The following KIF21A variants were observed in gnomAD, a reference collection of about 807,000 sequenced individuals.
The protein encoded by KIF21A is kinesin family member 21A, also known as kinesin-like protein KIF21A.
A neutral mutation model predicts 202.9 loss-of-function variants in KIF21A; 114 were observed. The ratio of observed to expected loss-of-function variants is 0.56; its 90% CI spans 0.48 to 0.66. KIF21A has a LOEUF of 0.66. Ranked by LOEUF, KIF21A falls within the 30% of genes least tolerant of loss-of-function variation. The pLI is 0.00. For missense variants in KIF21A, 1,677 were observed against 1,994.9 expected, an observed-to-expected ratio of 0.84 and a Z score of 3.04; for synonymous variants, 667 against 670.8, an observed-to-expected ratio of 0.99 and a Z score of 0.09.
intron 1 of KIF21A, among the ~76,000 whole-genome samples, chr12:39,375,656 A>G (rs2139305825): frequency 6.6e-6 from 1 of 152,210 alleles, no homozygotes; most frequent in East Asian, 1.9e-4. Context: ...TGAAGCTCAC[A>G]TTACTTATTG....
chr12:39,431,342 T>G (rs1043777603), intron 1 of KIF21A, among the ~76,000 whole-genome samples: 6 of 152,194 alleles, frequency 3.9e-5, no homozygotes, highest in African/African-American at 1.4e-4. Flanking sequence ...ATAATTTCAC[T>G]TTGTCAAGTG....
intron 29 of KIF21A, among the ~76,000 whole-genome samples, chr12:39,316,647 T>G (rs1944575115): frequency 1.3e-5 from 2 of 152,064 alleles, no homozygotes; most frequent in South Asian, 4.1e-4. Context: ...ACAACAGGCT[T>G]GAGGAGAATG....
intron 35 of KIF21A, among the ~76,000 whole-genome samples, chr12:39,303,746 ACT>A (rs1943187812): frequency 6.6e-6 from 1 of 152,066 alleles, no homozygotes; most frequent in Admixed American, 6.6e-5. Context: ...CTATTAGGTA[ACT>A]CTGCAGTCCC....
chr12:39,436,691 A>G (rs550003249), intron 1 of KIF21A, among the ~76,000 whole-genome samples: 2 of 151,198 alleles, frequency 1.3e-5, no homozygotes, highest in South Asian at 4.2e-4. Flanking sequence ...AAACCTTCAG[A>G]AAGATCTCAT....
At chr12:39,321,952 C>T (rs919278679) in intron 27 of KIF21A, 60 of 152,414 alleles carry the variant, frequency 3.9e-4, no homozygotes, top group African/African-American at 1.4e-3. Context: ...TACACACACA[C>T]ATACACATAC....
At chr12:39,316,150 G>A (rs539237849) in intron 29 of KIF21A, among the ~76,000 whole-genome samples, 180 bp from the exon 30 acceptor site, 8 of 152,012 alleles carry the variant, frequency 5.3e-5, no homozygotes, top group Admixed American at 2.6e-4. Context: ...GCTAAGTTAC[G>A]TAAAAAGTTT....
intron 1 of KIF21A, among the ~76,000 whole-genome samples, chr12:39,371,150 C>T (rs974452317): frequency 6.6e-6 from 1 of 152,064 alleles, no homozygotes; most frequent in Non-Finnish European, 1.5e-5. Flanking sequence ...ATGTAACAAT[C>T]CATTATTTTT....
intron 12 of KIF21A, among the ~76,000 whole-genome samples, chr12:39,344,870 G>A (rs540703303): frequency 6.6e-6 from 1 of 152,216 alleles, no homozygotes; most frequent in East Asian, 1.9e-4. Flanking sequence ...TTGGGAGCTG[G>A]AAGGAACATT....
intron 35 of KIF21A, 144 bp downstream of exon 35, chr12:39,304,677 T>TATGA: frequency 1.6e-6 from 1 of 612,422 alleles, no homozygotes; most frequent in Non-Finnish European, 2.9e-6. Flanking sequence ...AACCACTAAC[T>TATGA]ATGAATGAGG....
chr12:39,406,963 T>C (rs1398416004), intron 1 of KIF21A, among the ~76,000 whole-genome samples: 1 of 152,184 alleles, frequency 6.6e-6, no homozygotes, highest in Non-Finnish European at 1.5e-5. Flanking sequence ...AACTTCATCT[T>C]CCCACTCCAA....
intron 1 of KIF21A, among the ~76,000 whole-genome samples, chr12:39,420,922 T>C (rs961632356): frequency 1.3e-5 from 2 of 151,422 alleles, no homozygotes; most frequent in African/African-American, 4.8e-5. Context: ...CTTTATGATC[T>C]AGGGAAATGC....
chr12:39,333,753 C>T (rs1374015624), intron 17 of KIF21A, among the ~76,000 whole-genome samples: 6 of 151,954 alleles, frequency 3.9e-5, no homozygotes, highest in Non-Finnish European at 7.4e-5. Context: ...CTTATAATAA[C>T]TATGGATCTT....
chr12:39,382,737 A>G (rs985844423), intron 1 of KIF21A, among the ~76,000 whole-genome samples: 1 of 152,190 alleles, frequency 6.6e-6, no homozygotes, highest in Non-Finnish European at 1.5e-5. Flanking sequence ...AATCCAAATG[A>G]ACAATTAACA....
At chr12:39,343,373 T>A (rs1025272141) in intron 12 of KIF21A, among the ~76,000 whole-genome samples, 2 of 151,818 alleles carry the variant, frequency 1.3e-5, no homozygotes, top group African/African-American at 2.4e-5. Context: ...AATAAATTAA[T>A]TAATTAATTA....
At chr12:39,344,899 T>C (rs1431565266) in intron 12 of KIF21A, among the ~76,000 whole-genome samples, 1 of 152,096 alleles carries the variant, frequency 6.6e-6, no homozygotes, top group Non-Finnish European at 1.5e-5. Context: ...ACCCCTTCAT[T>C]TGACAAACAA....
chr12:39,325,512 T>TTATTA (rs1384811268), intron 26 of KIF21A, among the ~76,000 whole-genome samples: 1 of 148,760 alleles, frequency 6.7e-6, no homozygotes, highest in African/African-American at 2.5e-5. Flanking sequence ...TTTTTTTTTT[T>TTATTA]TTTTGTATTT....
In KIF21A at chr12:39,442,361, A is replaced by C. The variant is rs1223755513; in HGVS notation, c.44+566T>G. 6.6e-6 allele frequency among the ~76,000 whole-genome samples: 1 copy of C among 152,176 alleles called. No homozygotes were observed. Among genetic ancestry groups the C allele is most frequent in the Admixed American group, 6.5e-5 (1 of 15,286 alleles). Reference sequence around the variant, plus strand: ...TACCCACACGCGGGGGCATGTCTAGATCCCCGTGATGCTGAAAAAGATGTC... The same window carrying C: ...TACCCACACGCGGGGGCATGTCTAGCTCCCCGTGATGCTGAAAAAGATGTC... On this transcript the variant is annotated intron_variant, in intron 1 of 37. Coordinates refer to ENST00000361418, the MANE Select transcript of KIF21A (RefSeq NM_001173464.2). This position sits in a 1 kb window ranked among gnomAD's most constrained non-coding sequence, Gnocchi z 5.0.
At chr12:39,425,704 A>T (rs12229079) in intron 1 of KIF21A, among the ~76,000 whole-genome samples, 1 of 152,260 alleles carries the variant, frequency 6.6e-6, no homozygotes, top group East Asian at 1.9e-4. Context: ...TTAAAAGAGA[A>T]TAATTTTTTG....
At chr12:39,353,674 T>C (rs1450751085) in intron 10 of KIF21A, among the ~76,000 whole-genome samples, 4 of 152,264 alleles carry the variant, frequency 2.6e-5, no homozygotes, top group African/African-American at 7.2e-5. Flanking sequence ...TAATAAATAA[T>C]GTAGGTATTT....
Sources: allele counts gnomAD v4.1 joint callset (sites outside exome capture counted in the v4.1 genomes callset), GRCh38; gene constraint gnomAD v4.1.1; non-coding constraint Gnocchi (gnomAD v3.1); transcripts MANE v1.5; gene names NCBI Gene and HGNC (gene_info 2026-07-23, HGNC 2026-07-21).